Variants in EML5 observed in about 807,000 individuals in gnomAD.
EML5 encodes echinoderm microtubule-associated protein-like 5.
In EML5, 120 loss-of-function variants were observed where a neutral mutation model predicts 250.0. The observed-to-expected ratio is 0.48, with a 90% CI of 0.41 to 0.56. EML5 has a LOEUF of 0.56. Ranked by LOEUF, EML5 falls within the 20% of genes least tolerant of loss-of-function variation. The pLI is 0.00. For missense variants in EML5, 2,006 were observed against 2,437.6 expected, an observed-to-expected ratio of 0.82 and a Z score of 3.73; for synonymous variants, 771 against 806.5, an observed-to-expected ratio of 0.96 and a Z score of 0.75.
chr14:88,714,749 T>C (rs2093465066), intron 9 of EML5, among the ~76,000 whole-genome samples, 190 bp downstream of exon 9: 1 of 152,176 alleles, frequency 6.6e-6, no homozygotes, highest in Admixed American at 6.6e-5. Context: ...CTTATTGTAT[T>C]ATATTGTAGA....
In EML5 at chr14:88,664,648, G is replaced by A. The variant is rs760922444; in HGVS notation, c.3278-24C>T. 35 of 1,592,800 alleles carry A rather than the reference G, an allele frequency of 2.2e-5. No homozygotes were observed. The East Asian group carries it at 7.7e-4, about 35-fold the overall frequency. On this transcript the variant is annotated intron_variant, in intron 22 of 43. Coordinates refer to ENST00000554922, the MANE Select transcript of EML5 (RefSeq NM_183387.3). Reference sequence around the variant, plus strand: ...ACCTATAATAGAAACATATTTGCTTGACATTTTCTATCTTTGGAAATACTT... The same window carrying A: ...ACCTATAATAGAAACATATTTGCTTAACATTTTCTATCTTTGGAAATACTT...
rs557944545 is a variant in EML5, at chr14:88,624,874, C to G, written c.4898+96G>C. 59 of 1,375,820 alleles carry G rather than the reference C, an allele frequency of 4.3e-5. 1 individual carries two copies. In the East Asian group the frequency reaches 1.4e-3, roughly 33 times the overall value. 85.2% of individuals were successfully genotyped at this position (1,375,820 alleles called of 1,614,324 possible). ...ATATGAGGAGGAAGGTCGGAGAGGA[C>G]ACTCTGTGTAGCCTAGAAACAACTA... On this transcript the variant is annotated intron_variant, in intron 36 of 43. Transcript: ENST00000554922.
chr14:88,788,236 C>T (rs1419639683), intron 1 of EML5, among the ~76,000 whole-genome samples: 1 of 152,122 alleles, frequency 6.6e-6, no homozygotes, highest in Non-Finnish European at 1.5e-5. Context: ...TTTCCAATTA[C>T]AATTTTGACT....
intron 1 of EML5, among the ~76,000 whole-genome samples, chr14:88,786,472 A>AGTT (rs1483462188): frequency 6.6e-6 from 1 of 152,316 alleles, no homozygotes; most frequent in East Asian, 1.9e-4. Context: ...ATTTGCTGAA[A>AGTT]GAACAAGTAA....
At chr14:88,723,462 G>A (rs1396366727) in intron 8 of EML5, among the ~76,000 whole-genome samples, 4 of 152,160 alleles carry the variant, frequency 2.6e-5, no homozygotes, top group East Asian at 1.9e-4. Flanking sequence ...GTGGGAAATG[G>A]GGAGATGTTG....
chr14:88,667,420 G>A (rs1029951561), intron 21 of EML5, among the ~76,000 whole-genome samples: 3 of 152,102 alleles, frequency 2.0e-5, no homozygotes, highest in African/African-American at 7.2e-5. Context: ...TCTCTTTAGG[G>A]GTGAGAACTA....
chr14:88,625,299 A>G, intron 35 of EML5, 172 bp from the exon 36 acceptor site: 1 of 654,014 alleles, frequency 1.5e-6, no homozygotes, highest in Non-Finnish European at 2.5e-6. Context: ...CGGGAGGCTT[A>G]GCTTTGTCAG....
intron 21 of EML5, among the ~76,000 whole-genome samples, chr14:88,675,524 T>G (rs1026535055): frequency 2.3e-4 from 35 of 152,212 alleles, no homozygotes; most frequent in Non-Finnish European, 8.8e-5. Flanking sequence ...GCCCGTGGCC[T>G]GGCCCACAAA....
At chr14:88,754,053 C>T (rs1269984856) in intron 2 of EML5, among the ~76,000 whole-genome samples, 1 of 152,042 alleles carries the variant, frequency 6.6e-6, no homozygotes, top group Admixed American at 6.6e-5. Flanking sequence ...AGGAACATTG[C>T]TTGAGCCCAA....
Position 88,738,878 on chromosome 14 carries a change from C to T in EML5, c.847+1G>A. ...TAATAAGACATTTGTTTTGTTATTACCTTTGTATCCCTGGTCTGTTTCCCT... is the reference window on the plus strand; with the variant it reads ...TAATAAGACATTTGTTTTGTTATTATCTTTGTATCCCTGGTCTGTTTCCCT... On this transcript the variant is annotated splice_donor_variant, in intron 6 of 43. Transcript: ENST00000554922. LOFTEE classifies it high-confidence loss of function. The T allele has an allele frequency of 6.4e-7, 1 of 1,560,530 alleles. No homozygotes were observed. The highest frequency in any genetic ancestry group is 1.4e-5 in the African/African-American group (1 of 73,624).
chr14:88,785,403 T>C (rs980086902), intron 1 of EML5, among the ~76,000 whole-genome samples: 1 of 152,202 alleles, frequency 6.6e-6, no homozygotes, highest in South Asian at 2.1e-4. Context: ...GATGTGATTA[T>C]TTCACACTGC....
chr14:88,792,797 C>T lies in EML5; in HGVS notation c.-294G>A, dbSNP rs1266997304. 2.0e-6 allele frequency: 2 copies of T among 987,512 alleles called. No homozygotes were observed. The highest frequency in any genetic ancestry group is 2.4e-6 in the Non-Finnish European group (2 of 825,652). 61.2% of individuals were successfully genotyped at this position (987,512 alleles called of 1,614,324 possible). On this transcript the variant is annotated 5_prime_UTR_variant, in exon 1 of 44. Coordinates refer to ENST00000554922, the MANE Select transcript of EML5 (RefSeq NM_183387.3). The surrounding 1 kb of genome is among the most constrained non-coding windows in gnomAD (Gnocchi z 6.9). ...CTCGCCTAGTCTCCTCAGCCCGTAGCGCCTGGGCCGAGAGCGAGGGCCCGC... is the reference window on the plus strand; with the variant it reads ...CTCGCCTAGTCTCCTCAGCCCGTAGTGCCTGGGCCGAGAGCGAGGGCCCGC...
intron 23 of EML5, among the ~76,000 whole-genome samples, chr14:88,663,330 A>G (rs1355888945): frequency 6.6e-6 from 1 of 152,202 alleles, no homozygotes; most frequent in Non-Finnish European, 1.5e-5. Flanking sequence ...TTGTATATGT[A>G]TATACATAAA....
intron 27 of EML5, among the ~76,000 whole-genome samples, chr14:88,652,409 C>T (rs1428836051): frequency 6.6e-6 from 1 of 152,126 alleles, no homozygotes; most frequent in African/African-American, 2.4e-5. Flanking sequence ...CCATTACTAA[C>T]GTGTTTTTCA....
At chr14:88,728,445 G>A (rs985697713) in intron 7 of EML5, among the ~76,000 whole-genome samples, 1 of 152,140 alleles carries the variant, frequency 6.6e-6, no homozygotes, top group African/African-American at 2.4e-5. Context: ...ACAAACAGTT[G>A]TTTAACATAC....
intron 4 of EML5, among the ~76,000 whole-genome samples, chr14:88,743,058 A>G (rs939912492): frequency 1.3e-5 from 2 of 152,136 alleles, no homozygotes; most frequent in South Asian, 4.1e-4. Flanking sequence ...ACAGGCTTCA[A>G]AATCTGAGCT....
rs139384948 is a variant in EML5 at position 88,774,242 on chromosome 14, G to A, written c.197+18065C>T. Among the ~76,000 whole-genome samples, 860 of 152,298 alleles carry A rather than the reference G, an allele frequency of 5.6e-3. 7 individuals carry two copies. Among genetic ancestry groups the A allele is most frequent in the African/African-American group, 0.02 (829 of 41,560 alleles). ...GAGCCCAGATAATTCGTATTTTTTA[G>A]TAACTTTCCAGGTGATGCCGTTGCT... On this transcript the variant is annotated intron_variant, in intron 1 of 43. Coordinates refer to ENST00000554922, the MANE Select transcript of EML5 (RefSeq NM_183387.3).
chr14:88,714,907 C>T, intron 9 of EML5, 32 bp downstream of exon 9: 1 of 1,598,070 alleles, frequency 6.3e-7, no homozygotes, highest in Middle Eastern at 1.7e-4. Flanking sequence ...TGTATAGGTA[C>T]TACAAATCTA....
intron 27 of EML5, among the ~76,000 whole-genome samples, chr14:88,650,856 G>A (rs1468486007): frequency 6.6e-6 from 1 of 152,030 alleles, no homozygotes; most frequent in Non-Finnish European, 1.5e-5. Context: ...TACCCAGGCT[G>A]GTGCTAAACA....
Sources: gnomAD v4.1 joint callset for allele counts (sites outside exome capture counted in the v4.1 genomes callset) on GRCh38, gnomAD v4.1.1 for gene constraint, Gnocchi (gnomAD v3.1) non-coding constraint, MANE v1.5 for transcripts, NCBI Gene and HGNC (gene_info 2026-07-23, HGNC 2026-07-21) for gene names.